Variants in CDK13 observed in about 807,000 individuals in gnomAD.
CDK13 encodes cyclin dependent kinase 13, also known as cyclin-dependent kinase 13.
CDK13 carries 40 observed loss-of-function variants against 137.6 expected under a neutral mutation model. The observed-to-expected ratio is 0.29, with a 90% CI of 0.23 to 0.38. CDK13 has a LOEUF of 0.38. CDK13 is among the 10% of genes least tolerant of loss of function. The pLI, the probability that CDK13 is intolerant of heterozygous loss-of-function variation, is 1.00. For missense variants in CDK13, 1,704 were observed against 1,951.8 expected (o/e 0.87, Z 2.39); for synonymous variants, 869 against 760.1 (o/e 1.14, Z -2.36).
intron 5 of CDK13, among the ~76,000 whole-genome samples, chr7:40,020,124 G>A (rs1413894818): frequency 9.9e-5 from 15 of 152,082 alleles, no homozygotes; most frequent in Admixed American, 9.8e-4. Context: ...CTGGAGTGCA[G>A]TGTCACAATC....
At chr7:40,091,117 G>A (rs924332796) in intron 12 of CDK13, among the ~76,000 whole-genome samples, 5 of 151,482 alleles carry the variant, frequency 3.3e-5, no homozygotes, top group East Asian at 2.0e-4. Context: ...AGGCTGAGGC[G>A]GGCGGATCAT....
In CDK13 at chr7:39,988,183, A is replaced by G. The variant is rs199654911; in HGVS notation, c.1796A>G (p.His599Arg). Residue 599 changes from histidine (H) to arginine (R), a missense_variant, in exon 2 of 14, where the codon CAT becomes CGT. This residue lies in a region of CDK13 where 1,051 missense variants were observed against 931.0 expected (regional missense o/e 1.13). Transcript: ENST00000181839. ...PSIGAKEKEQ[H>R]VALVTSTLPP... ...ATAGGAGCCAAGGAGAAGGAGCAAC[A>G]TGTAGCTTTAGTCACCTCTACATTA... is the stretch of plus-strand genomic sequence containing the variant. 8.7e-6 allele frequency: 14 copies of G among 1,614,158 alleles called. No homozygotes were observed. In the African/African-American group the frequency reaches 1.7e-4, roughly 20 times the overall value.
intron 11 of CDK13, among the ~76,000 whole-genome samples, chr7:40,087,528 A>C (rs892116923): frequency 4.5e-4 from 67 of 149,160 alleles, no homozygotes; most frequent in South Asian, 1.3e-3. Context: ...GAAAGGTTGC[A>C]CCAACAGCAA....
rs367858147 is a variant in CDK13 at position 39,987,649 on chromosome 7, G to T, written c.1262G>T (p.Arg421Ile). The T allele has an allele frequency of 1.2e-6, 2 of 1,611,676 alleles. No homozygotes were observed. The highest frequency in any genetic ancestry group is 1.7e-6 in the Non-Finnish European group (2 of 1,179,430). Residue 421 changes from arginine to isoleucine, a missense_variant, in exon 2 of 14, where the codon AGA becomes ATA. Arg to Ile is a moderately conservative substitution (Grantham distance 97, BLOSUM62 -3). Coordinates refer to ENST00000181839, the MANE Select transcript of CDK13 (RefSeq NM_003718.5). ...AGCCCGTATTCATCTAGGCATTCAA[G>T]ATCTCGTAGCAGGCACAGATTGTCT... The part of the protein sequence containing the change: ...SRSPYSSRHS[R>I]SRSRHRLSRS...
At chr7:40,088,462 CT>C (rs527963726) in intron 12 of CDK13, 131 bp downstream of exon 12, 110 of 730,306 alleles carry the variant, frequency 1.5e-4, no homozygotes, top group South Asian at 6.7e-4. Flanking sequence ...CTAGACATTT[CT>C]TTGTGCCAGT....
chr7:40,065,272 T>C (rs1786255677), intron 9 of CDK13, among the ~76,000 whole-genome samples: 1 of 152,020 alleles, frequency 6.6e-6, no homozygotes, highest in South Asian at 2.1e-4. Context: ...TAGAAATTAA[T>C]ATAAACATGG....
At position 39,988,269 on chromosome 7, in the gene CDK13, A is replaced by T; in HGVS notation, c.1871+11A>T. Reference sequence around the variant, plus strand: ...TAAAGAAGCTGATAGGTAAGTGCAAAAAGTATTTGTCAATAACTGTTCAAA... The same window carrying T: ...TAAAGAAGCTGATAGGTAAGTGCAATAAGTATTTGTCAATAACTGTTCAAA... On this transcript the variant is annotated intron_variant, in intron 2 of 13. Transcript: ENST00000181839. 1 of 1,580,522 alleles carries T rather than the reference A, an allele frequency of 6.3e-7. No homozygotes were observed. The highest frequency in any genetic ancestry group is 8.6e-7 in the Non-Finnish European group (1 of 1,167,268).
chr7:39,967,076 G>A (rs1345704668), intron 1 of CDK13, among the ~76,000 whole-genome samples: 1 of 152,154 alleles, frequency 6.6e-6, no homozygotes, highest in Non-Finnish European at 1.5e-5. Context: ...CACTTGAGGA[G>A]GCCGGCTGTC....
rs535110641 is a variant in CDK13, at chr7:40,082,259, C to T, written c.3029+3408C>T. Among the ~76,000 whole-genome samples, 40 of 151,842 alleles carry T rather than the reference C, an allele frequency of 2.6e-4. No homozygotes were observed. The East Asian group carries it at 6.3e-3, about 24-fold the overall frequency. ...ATCCCAGCACTTTGGGAGGCCAAGG[C>T]GGATAGATCACAAGGCCAGGAGTTC... On this transcript the variant is annotated intron_variant, in intron 11 of 13. Transcript: ENST00000181839.
intron 5 of CDK13, among the ~76,000 whole-genome samples, chr7:40,022,813 T>A (rs1393360634): frequency 6.6e-6 from 1 of 151,968 alleles, no homozygotes; most frequent in Non-Finnish European, 1.5e-5. Flanking sequence ...CAATTACAGA[T>A]TAAAGGTAGA....
At chr7:40,023,915 TAGTC>T (rs754489212) in intron 5 of CDK13, among the ~76,000 whole-genome samples, 4 of 152,262 alleles carry the variant, frequency 2.6e-5, no homozygotes, top group South Asian at 2.1e-4. Context: ...TATTTGTCCT[TAGTC>T]AGCTCTGTCT....
chr7:40,040,277 A>G (rs1316176070), intron 5 of CDK13, among the ~76,000 whole-genome samples: 1 of 152,196 alleles, frequency 6.6e-6, no homozygotes, highest in Non-Finnish European at 1.5e-5. Flanking sequence ...TTATCCCAAT[A>G]CCACCAATTA....
intron 5 of CDK13, among the ~76,000 whole-genome samples, chr7:40,022,699 G>C (rs1016030855): frequency 2.0e-5 from 3 of 151,412 alleles, no homozygotes; most frequent in Non-Finnish European, 4.4e-5. Flanking sequence ...GGTCAAAGCA[G>C]AGTAGAGGAA....
In CDK13 at chr7:40,094,257, G is replaced by A. The variant is rs762702916; in HGVS notation, c.3816G>A (p.Glu1272=). The part of the protein sequence containing the change: ...PEPPEPPPVT[E]EDLDYRTENQ... ...CTCCTGAACCACCACCAGTCACTGAGGAAGATCTAGATTATCGGACAGAAA... is the reference window on the plus strand; with the variant it reads ...CTCCTGAACCACCACCAGTCACTGAAGAAGATCTAGATTATCGGACAGAAA... The change falls in exon 14 of 14, where the codon GAG becomes GAA. Residue 1272 remains glutamate (E), a synonymous_variant. Transcript: ENST00000181839. The A allele has an allele frequency of 1.9e-6, 3 of 1,612,736 alleles. No individual in the cohort carries two copies. The highest frequency in any genetic ancestry group is 1.7e-5 in the Admixed American group (1 of 59,840).
chr7:39,983,688 G>A (rs1360104658), intron 1 of CDK13, among the ~76,000 whole-genome samples: 1 of 152,066 alleles, frequency 6.6e-6, no homozygotes, highest in African/African-American at 2.4e-5. Context: ...TTACCTTTCT[G>A]CTACTCATCA....
intron 9 of CDK13, among the ~76,000 whole-genome samples, chr7:40,064,156 C>A (rs982008535): frequency 6.6e-6 from 1 of 151,734 alleles, no homozygotes; most frequent in Non-Finnish European, 1.5e-5. Flanking sequence ...TGGTGGCCCA[C>A]GCCTATAATC....
Position 40,094,655 on chromosome 7 carries a change from C to G in CDK13, c.4214C>G (p.Ala1405Gly). 2 of 1,614,170 alleles carry G rather than the reference C, an allele frequency of 1.2e-6. No individual in the cohort carries two copies. Among genetic ancestry groups the G allele is most frequent in the Non-Finnish European group, 1.7e-6 (2 of 1,180,024 alleles). ...AFSESFPSSVAGYGDIYLNAG... is the reference protein window; with the variant it reads ...AFSESFPSSVGGYGDIYLNAG... ...TCTGAGTCATTTCCCAGTTCAGTAGCTGGATATGGAGACATTTACCTCAAT... is the reference window on the plus strand; with the variant it reads ...TCTGAGTCATTTCCCAGTTCAGTAGGTGGATATGGAGACATTTACCTCAAT... Residue 1405 changes from alanine (A) to glycine (G), a missense_variant, in exon 14 of 14, where the codon GCT becomes GGT. By Grantham distance (60) the Ala-to-Gly change is moderately conservative (BLOSUM62 0). Transcript: ENST00000181839.
At position 39,951,650 on chromosome 7, in the gene CDK13, A is replaced by G. The variant is rs780906753; in HGVS notation, c.1009A>G (p.Ser337Gly). ...CCACAGGGCCTCTCAGAGCCTGAGG[A>G]GCCGCAAGTCCCCCAGCCCGGCAGG... The part of the protein sequence containing the change: ...VSHRASQSLR[S>G]RKSPSPAGGG... The change falls in exon 1 of 14, where the codon AGC (serine) becomes GGC (glycine). Residue 337 changes from serine (S) to glycine (G), a missense_variant. This residue lies in a region of CDK13 where 1,051 missense variants were observed against 931.0 expected (regional missense o/e 1.13). Transcript: ENST00000181839. 1 of 1,477,102 alleles carries G rather than the reference A, an allele frequency of 6.8e-7. No homozygotes were observed. Among genetic ancestry groups the G allele is most frequent in the East Asian group, 2.6e-5 (1 of 37,852 alleles). The allele number at this position is 1,477,102 out of a possible 1,614,324, so 91.5% of individuals were successfully genotyped here.
chr7:40,010,513 G>A (rs968390711), intron 5 of CDK13, among the ~76,000 whole-genome samples: 3 of 152,108 alleles, frequency 2.0e-5, no homozygotes, highest in African/African-American at 4.8e-5. Context: ...GGGAAACCCC[G>A]TCTCTACTAA....
Sources: allele counts gnomAD v4.1 joint callset (sites outside exome capture counted in the v4.1 genomes callset), GRCh38; gene constraint gnomAD v4.1.1; regional missense constraint gnomAD v4.1.1; transcripts MANE v1.5; gene names NCBI Gene and HGNC (gene_info 2026-07-23, HGNC 2026-07-21).